Variants in THSD7B observed in about 807,000 individuals in gnomAD.
THSD7B encodes thrombospondin type-1 domain-containing protein 7B.
Under a neutral mutation model 213.6 loss-of-function variants are expected in THSD7B, and 138 were observed. That is an observed-to-expected ratio of 0.65 (90% confidence interval 0.56 to 0.74). The LOEUF (loss-of-function observed/expected upper bound fraction) is 0.74, where lower values mean the gene tolerates loss of function less well. THSD7B is among the 30% of genes least tolerant of loss of function. THSD7B has a pLI of 0.00. For synonymous variants in THSD7B, 742 were observed against 687.0 expected (o/e 1.08, Z -1.25); for missense variants, 1,931 against 1,991.5 (o/e 0.97, Z 0.58).
intron 2 of THSD7B, among the ~76,000 whole-genome samples, chr2:137,026,371 ATGGC>A (rs1301294563): frequency 6.6e-6 from 1 of 152,152 alleles, no homozygotes; most frequent in Non-Finnish European, 1.5e-5. Flanking sequence ...ACTTTCTTCC[ATGGC>A]CACATCTGAA....
chr2:137,558,244 G>A (rs1275054967), intron 15 of THSD7B, among the ~76,000 whole-genome samples: 2 of 152,210 alleles, frequency 1.3e-5, no homozygotes, highest in East Asian at 3.9e-4. Context: ...ACCAAAGCCT[G>A]GCAGAGACAC....
At chr2:137,331,517 A>C (rs1042651341) in intron 12 of THSD7B, among the ~76,000 whole-genome samples, 3 of 152,218 alleles carry the variant, frequency 2.0e-5, no homozygotes. Context: ...CCACGTCCCC[A>C]CCAGACTCAG....
At chr2:137,306,305 T>C (rs1300723773) in intron 12 of THSD7B, among the ~76,000 whole-genome samples, 1 of 152,136 alleles carries the variant, frequency 6.6e-6, no homozygotes, top group Non-Finnish European at 1.5e-5. Context: ...CAAAAAGTCA[T>C]TACGTGGCAC....
At chr2:137,031,050 G>A (rs1686656387) in intron 2 of THSD7B, among the ~76,000 whole-genome samples, 1 of 152,092 alleles carries the variant, frequency 6.6e-6, no homozygotes, top group Admixed American at 6.6e-5. Context: ...AAACTAGAGT[G>A]CAATTAGCAG....
chr2:137,516,252 G>A (rs2105159601), intron 15 of THSD7B, among the ~76,000 whole-genome samples: 1 of 152,294 alleles, frequency 6.6e-6, no homozygotes, highest in Middle Eastern at 3.4e-3. Context: ...ATTTATATAA[G>A]CAGAAAACTT....
intron 5 of THSD7B, 109 bp from the exon 6 acceptor site, chr2:137,160,104 T>G (rs1679986432): frequency 1.6e-6 from 2 of 1,258,536 alleles, no homozygotes; most frequent in Admixed American, 2.6e-5. Context: ...GCATATGTTC[T>G]TTTTAACTAT....
chr2:136,928,078 G>A (rs950590367), intron 2 of THSD7B, among the ~76,000 whole-genome samples: 19 of 152,122 alleles, frequency 1.2e-4, no homozygotes, highest in Non-Finnish European at 1.9e-4. Flanking sequence ...TTACAATGGA[G>A]TTACATCCTG....
At chr2:136,769,571 T>C (rs1431316267) in intron 1 of THSD7B, among the ~76,000 whole-genome samples, 1 of 150,336 alleles carries the variant, frequency 6.7e-6, no homozygotes, top group East Asian at 1.9e-4. Context: ...AATGAAGTCA[T>C]CTGGCATCTA....
chr2:137,673,661 T>G (rs1378355721), intron 27 of THSD7B, among the ~76,000 whole-genome samples: 1 of 152,200 alleles, frequency 6.6e-6, no homozygotes, highest in East Asian at 1.9e-4. Flanking sequence ...TCCTCAGTGT[T>G]GGCCTTGCTG....
chr2:137,424,768 A>T (rs933498939), intron 14 of THSD7B, among the ~76,000 whole-genome samples: 1 of 152,108 alleles, frequency 6.6e-6, no homozygotes, highest in Non-Finnish European at 1.5e-5. Context: ...CTCACCACAG[A>T]TAAAAAATAT....
At chr2:137,183,339 G>T (rs1488200448) in intron 7 of THSD7B, among the ~76,000 whole-genome samples, 1 of 152,094 alleles carries the variant, frequency 6.6e-6, no homozygotes, top group Non-Finnish European at 1.5e-5. Flanking sequence ...AATATAGCTT[G>T]TTTTGAGGGT....
chr2:137,192,469 G>A (rs1472511522), intron 7 of THSD7B, among the ~76,000 whole-genome samples: 3 of 152,142 alleles, frequency 2.0e-5, no homozygotes, highest in African/African-American at 7.2e-5. Context: ...TTGGAACAAA[G>A]CTGAAAGCAT....
chr2:137,421,637 G>A (rs1196694183), intron 14 of THSD7B, among the ~76,000 whole-genome samples: 1 of 152,144 alleles, frequency 6.6e-6, no homozygotes, highest in Admixed American at 6.5e-5. Flanking sequence ...GAGTTTTTAT[G>A]GAAGTTTCAT....
chr2:137,361,666 G>A lies in THSD7B; in HGVS notation c.2501-43947G>A, dbSNP rs116706447. On this transcript the variant is annotated intron_variant, in intron 12 of 27. Transcript: ENST00000409968. ...AGATCAAATGAATGAAATGAAGCGCGAAGAGAAGTTTAAAGTAAAAACAGT... is the reference window on the plus strand; with the variant it reads ...AGATCAAATGAATGAAATGAAGCGCAAAGAGAAGTTTAAAGTAAAAACAGT... 9.9e-3 allele frequency among the ~76,000 whole-genome samples: 1,514 copies of A among 152,256 alleles called. 33 individuals are homozygous for A. The highest frequency in any genetic ancestry group is 0.035 in the African/African-American group (1,436 of 41,518).
chr2:137,236,270 A>C (rs1028943341), intron 9 of THSD7B, among the ~76,000 whole-genome samples: 4 of 152,188 alleles, frequency 2.6e-5, no homozygotes, highest in Admixed American at 1.3e-4. Context: ...GTTCAAAATA[A>C]TGTTATATCT....
At chr2:137,348,568 C>T (rs1029037353) in intron 12 of THSD7B, among the ~76,000 whole-genome samples, 11 of 151,512 alleles carry the variant, frequency 7.3e-5, no homozygotes, top group Admixed American at 1.3e-4. Context: ...GTAGCGGGTT[C>T]GTGTGTCACA....
intron 2 of THSD7B, among the ~76,000 whole-genome samples, chr2:137,024,588 A>C (rs558681982): frequency 1.3e-5 from 2 of 152,080 alleles, no homozygotes; most frequent in South Asian, 2.1e-4. Flanking sequence ...CAAAATTAGC[A>C]CCTTATTTCA....
rs5006294 is a variant in THSD7B, at chr2:136,765,568, G to T, written c.-155G>T. 0.17 allele frequency: 23,090 copies of T among 137,390 alleles called. 2,027 individuals are homozygous for T. Among genetic ancestry groups the T allele is most frequent in the East Asian group, 0.36 (1,425 of 3,958 alleles). The allele number at this position is 137,390 out of a possible 1,614,324, so 8.5% of individuals were successfully genotyped here. ...TCAGTGCTGAGGAGCCAGAGTCGCC[G>T]CCGGGTTGCCAGACGCTGGAATGGG... On this transcript the variant is annotated 5_prime_UTR_variant, in exon 1 of 28. Transcript: ENST00000409968.
At chr2:137,082,278 A>G (rs1451559331) in intron 3 of THSD7B, among the ~76,000 whole-genome samples, 2 of 151,988 alleles carry the variant, frequency 1.3e-5, no homozygotes, top group Admixed American at 6.6e-5. Context: ...ATATTTTTCT[A>G]CTTACATCTA....
Sources: gnomAD v4.1 joint callset for allele counts (sites outside exome capture counted in the v4.1 genomes callset) on GRCh38, gnomAD v4.1.1 for gene constraint, MANE v1.5 for transcripts, NCBI Gene and HGNC (gene_info 2026-07-23, HGNC 2026-07-21) for gene names.